The following KIAA1217 variants were observed in gnomAD, a reference collection of about 807,000 sequenced individuals.
KIAA1217 encodes KIAA1217.
A neutral mutation model predicts 163.9 loss-of-function variants in KIAA1217; 88 were observed. The observed-to-expected ratio is 0.54, with a 90% CI of 0.45 to 0.64. The LOEUF is 0.64. Among genes scored for constraint, KIAA1217 ranks in the 30% least tolerant of loss-of-function variants. The pLI, the probability that KIAA1217 is intolerant of heterozygous loss-of-function variation, is 0.00. For missense variants in KIAA1217, 2,372 were observed against 2,475.0 expected (o/e 0.96, Z 0.88); for synonymous variants, 903 against 923.1 (o/e 0.98, Z 0.39).
chr10:23,908,750 A>G (rs911480898), intron 1 of KIAA1217, among the ~76,000 whole-genome samples: 4 of 152,144 alleles, frequency 2.6e-5, no homozygotes, highest in Admixed American at 2.6e-4. Flanking sequence ...AAAAAATAAT[A>G]GATGTTGGCA....
intron 2 of KIAA1217, among the ~76,000 whole-genome samples, chr10:24,017,040 G>GTTTTTTTTTTTTTTTTTT (rs35042335): frequency 7.7e-6 from 1 of 130,224 alleles, no homozygotes; most frequent in African/African-American, 3.0e-5. Context: ...TAGTTTTTTT[G>GTTTTTTTTTTTTTTTTTT]TTTTTTTTTT....
chr10:23,989,298 A>G (rs1846114257), intron 1 of KIAA1217, among the ~76,000 whole-genome samples: 1 of 152,252 alleles, frequency 6.6e-6, no homozygotes. Context: ...ACACAAATGT[A>G]TTTAATGTAA....
intron 10 of KIAA1217, 131 bp from the exon 11 acceptor site, chr10:24,519,992 C>A: frequency 9.7e-7 from 1 of 1,034,016 alleles, no homozygotes; most frequent in Non-Finnish European, 1.4e-6. Context: ...TCCACCACCA[C>A]CACACGAAAG....
chr10:24,337,935 G>A (rs1245368975), intron 2 of KIAA1217, among the ~76,000 whole-genome samples: 1 of 152,128 alleles, frequency 6.6e-6, no homozygotes, highest in Non-Finnish European at 1.5e-5. Context: ...GAGCCACCGC[G>A]CCCGGCCCGT....
intron 2 of KIAA1217, among the ~76,000 whole-genome samples, chr10:24,024,841 G>T (rs532410373): frequency 6.6e-6 from 1 of 151,690 alleles, no homozygotes; most frequent in South Asian, 2.1e-4. Context: ...CTTCTTTGGT[G>T]AATTGACTTT....
At chr10:24,423,981 CAGAT>C (rs1361684191) in intron 3 of KIAA1217, among the ~76,000 whole-genome samples, 14 of 152,140 alleles carry the variant, frequency 9.2e-5, no homozygotes, top group Non-Finnish European at 1.5e-4. Flanking sequence ...AAATAATTGA[CAGAT>C]AGATCCTTCT....
intron 9 of KIAA1217, among the ~76,000 whole-genome samples, chr10:24,505,508 G>C (rs71493386): frequency 0.048 from 7,258 of 151,912 alleles, 232 homozygotes; most frequent in South Asian, 0.1. Context: ...ACAGTACTTG[G>C]ATTTTACCAA....
chr10:24,513,799 A>T (rs2134294526), intron 10 of KIAA1217, among the ~76,000 whole-genome samples: 1 of 151,936 alleles, frequency 6.6e-6, no homozygotes, highest in South Asian at 2.1e-4. Flanking sequence ...AAAAAAAAAA[A>T]AAACAGAGAG....
chr10:23,814,337 G>A (rs1188150796), intron 1 of KIAA1217, among the ~76,000 whole-genome samples: 1 of 152,200 alleles, frequency 6.6e-6, no homozygotes, highest in Non-Finnish European at 1.5e-5. Flanking sequence ...TAACAGCACA[G>A]ACTCCAGATG....
At chr10:24,210,259 C>T (rs933329078) in intron 1 of KIAA1217, among the ~76,000 whole-genome samples, 4 of 152,150 alleles carry the variant, frequency 2.6e-5, no homozygotes, top group African/African-American at 9.7e-5. Flanking sequence ...CTAAGCCAGT[C>T]AGGAGAACTT....
intron 1 of KIAA1217, among the ~76,000 whole-genome samples, chr10:23,905,565 C>T (rs750830833): frequency 5.9e-5 from 9 of 152,090 alleles, no homozygotes; most frequent in Non-Finnish European, 1.2e-4. Flanking sequence ...GAAACTCCTT[C>T]AGTTGCGCTA....
At chr10:24,501,083 AAAAT>A (rs150164670) in intron 8 of KIAA1217, among the ~76,000 whole-genome samples, 43,569 of 141,592 alleles carry the variant, frequency 0.31, 6,466 homozygotes, top group African/African-American at 0.4. Flanking sequence ...AAAAAAAATT[AAAAT>A]AAAAAAAAAA....
At chr10:23,971,509 A>G (rs978489610) in intron 1 of KIAA1217, among the ~76,000 whole-genome samples, 1 of 152,216 alleles carries the variant, frequency 6.6e-6, no homozygotes, top group African/African-American at 2.4e-5. Context: ...CACTACCTAC[A>G]GTAACAACTA....
intron 1 of KIAA1217, among the ~76,000 whole-genome samples, chr10:23,844,515 A>G (rs999827021): frequency 6.6e-6 from 1 of 152,094 alleles, no homozygotes; most frequent in African/African-American, 2.4e-5. Context: ...TTTTCATTTT[A>G]CTTCACACTT....
At chr10:24,352,839 C>G (rs145137072) in intron 2 of KIAA1217, among the ~76,000 whole-genome samples, 1,962 of 152,104 alleles carry the variant, frequency 0.013, 12 homozygotes, top group Non-Finnish European at 0.02. Context: ...GTGACCTCGA[C>G]TTTGTCCTAA....
At chr10:24,377,261 G>T (rs2052638000) in intron 2 of KIAA1217, among the ~76,000 whole-genome samples, 1 of 152,170 alleles carries the variant, frequency 6.6e-6, no homozygotes, top group Non-Finnish European at 1.5e-5. Context: ...TCTTTACAAG[G>T]TTGTGATGGA....
intron 2 of KIAA1217, among the ~76,000 whole-genome samples, chr10:24,102,912 C>A (rs1352614330): frequency 6.6e-6 from 1 of 152,052 alleles, no homozygotes; most frequent in African/African-American, 2.4e-5. Flanking sequence ...GCGGGTTTTT[C>A]CCGTACTGTG....
chr10:23,860,677 C>G (rs936493090), intron 1 of KIAA1217, among the ~76,000 whole-genome samples: 1 of 152,010 alleles, frequency 6.6e-6, no homozygotes, highest in African/African-American at 2.4e-5. Context: ...TAGAGATAAT[C>G]ATAAAGATGA....
intron 2 of KIAA1217, among the ~76,000 whole-genome samples, chr10:24,227,410 C>T (rs1010660832): frequency 6.6e-6 from 1 of 152,186 alleles, no homozygotes; most frequent in East Asian, 1.9e-4. Context: ...CCACCTGCCT[C>T]GGCCTCCCAA....
Sources: gnomAD v4.1 joint callset for allele counts (sites outside exome capture counted in the v4.1 genomes callset) on GRCh38, gnomAD v4.1.1 for gene constraint, MANE v1.5 for transcripts, NCBI Gene and HGNC (gene_info 2026-07-23, HGNC 2026-07-21) for gene names.